DCC: variants seen among roughly 807,000 people sequenced by gnomAD.
DCC encodes netrin receptor DCC.
Under a neutral mutation model 172.5 loss-of-function variants are expected in DCC, and 58 were observed. That is an observed-to-expected ratio of 0.34 (90% CI 0.27 to 0.42). The LOEUF (loss-of-function observed/expected upper bound fraction) is 0.42, where lower values mean the gene tolerates loss of function less well. DCC is among the 10% of genes least tolerant of loss of function. DCC has a pLI of 1.00. For synonymous variants in DCC, 709 were observed against 644.5 expected (o/e 1.10, Z -1.52); for missense variants, 1,740 against 1,791.0 (o/e 0.97, Z 0.51).
At chr18:53,307,947 ATAT>A (rs2057222663) in intron 13 of DCC, among the ~76,000 whole-genome samples, 1 of 108,614 alleles carries the variant, frequency 9.2e-6, no homozygotes, top group Non-Finnish European at 1.8e-5. Context: ...ATATATATAT[ATAT>A]GTATTTTATA....
At chr18:53,275,788 A>T (rs564334720) in intron 12 of DCC, among the ~76,000 whole-genome samples, 1 of 152,132 alleles carries the variant, frequency 6.6e-6, no homozygotes, top group Non-Finnish European at 1.5e-5. Flanking sequence ...GTCATCGCTG[A>T]TAATGTGTAT....
chr18:52,984,039 A>G (rs957125459), intron 5 of DCC, among the ~76,000 whole-genome samples: 1 of 152,150 alleles, frequency 6.6e-6, no homozygotes, highest in Non-Finnish European at 1.5e-5. Flanking sequence ...ACAAATACAC[A>G]AATACTCAAA....
chr18:53,522,582 T>A (rs1481139058), intron 27 of DCC, among the ~76,000 whole-genome samples: 1 of 151,974 alleles, frequency 6.6e-6, no homozygotes, highest in East Asian at 1.9e-4. Flanking sequence ...TATAAACCAA[T>A]GGAACAGAAC....
At chr18:53,387,309 T>G (rs550766701) in intron 16 of DCC, among the ~76,000 whole-genome samples, 191 of 152,358 alleles carry the variant, frequency 1.3e-3, no homozygotes, top group African/African-American at 4.1e-3. Context: ...TAGAAAATAC[T>G]GTCACTATAT....
At chr18:53,314,896 A>T (rs1208145159) in intron 13 of DCC, among the ~76,000 whole-genome samples, 1 of 152,190 alleles carries the variant, frequency 6.6e-6, no homozygotes, top group Non-Finnish European at 1.5e-5. Flanking sequence ...GATAAATAGT[A>T]TAGCCTGGCC....
At chr18:53,018,113 A>G (rs1190505711) in intron 5 of DCC, among the ~76,000 whole-genome samples, 1 of 152,200 alleles carries the variant, frequency 6.6e-6, no homozygotes, top group African/African-American at 2.4e-5. Context: ...GCACGTGTAT[A>G]CCTATGTAAC....
intron 1 of DCC, among the ~76,000 whole-genome samples, chr18:52,743,019 A>T (rs1187925367): frequency 6.6e-6 from 1 of 152,334 alleles, no homozygotes; most frequent in Non-Finnish European, 1.5e-5. Flanking sequence ...TTATTATGAT[A>T]TATGATTTTA....
intron 1 of DCC, among the ~76,000 whole-genome samples, chr18:52,576,088 G>A (rs979125144): frequency 1.3e-5 from 2 of 152,140 alleles, no homozygotes; most frequent in Non-Finnish European, 2.9e-5. Context: ...GATTTTTGCG[G>A]CATGAGGTTT....
At chr18:52,438,793 C>G (rs117702140) in intron 1 of DCC, among the ~76,000 whole-genome samples, 2 of 152,174 alleles carry the variant, frequency 1.3e-5, no homozygotes, top group Admixed American at 1.3e-4. Flanking sequence ...GCACAGCAGA[C>G]AATCTACCAC....
rs781495682 is a variant in DCC at position 52,439,785 on chromosome 18, AAC to A, written c.91+98909_91+98910del. Among the ~76,000 whole-genome samples, 180 of 152,324 alleles carry A rather than the reference AAC, an allele frequency of 1.2e-3. 6 individuals are homozygous for A. The highest frequency in any genetic ancestry group is 9.7e-4 in the East Asian group (5 of 5,180). On this transcript the variant is annotated intron_variant, in intron 1 of 28. Transcript: ENST00000442544. ...TAAATATTTGTTTAGTTAATAAAGA[AAC>A]AGAGAGGATGGATACTCCATTTACC...
At chr18:53,065,006 G>A (rs928175442) in intron 6 of DCC, among the ~76,000 whole-genome samples, 4 of 152,046 alleles carry the variant, frequency 2.6e-5, no homozygotes, top group African/African-American at 9.7e-5. Flanking sequence ...TCTTTTATAG[G>A]TGAAAGAAAA....
At chr18:53,066,936 G>A (rs903347694) in intron 7 of DCC, among the ~76,000 whole-genome samples, 5 of 152,030 alleles carry the variant, frequency 3.3e-5, no homozygotes, top group Admixed American at 6.6e-5. Flanking sequence ...AGGAGAAACA[G>A]AGAAAGAGGG....
chr18:53,122,644 C>G (rs193219268), intron 7 of DCC, among the ~76,000 whole-genome samples: 1 of 152,168 alleles, frequency 6.6e-6, no homozygotes, highest in East Asian at 1.9e-4. Flanking sequence ...TATACCGAAA[C>G]TCTTAGCTGT....
intron 15 of DCC, among the ~76,000 whole-genome samples, chr18:53,364,880 G>A (rs962709756): frequency 5.0e-4 from 76 of 151,984 alleles, no homozygotes; most frequent in African/African-American, 1.5e-3. Flanking sequence ...ACACAGATAC[G>A]TAACATGGAA....
chr18:52,355,388 ATAT>A (rs1984316226), intron 1 of DCC, among the ~76,000 whole-genome samples: 2 of 152,162 alleles, frequency 1.3e-5, no homozygotes, highest in African/African-American at 4.8e-5. Context: ...TCCATGAAAC[ATAT>A]TATGTACACG....
chr18:53,516,837 G>T (rs371599572), intron 27 of DCC, among the ~76,000 whole-genome samples: 5,153 of 133,074 alleles, frequency 0.039, 216 homozygotes, highest in African/African-American at 0.15. Flanking sequence ...GGAACACTTT[G>T]ACACTGTTGG....
chr18:53,490,366 C>G (rs562293091), intron 26 of DCC, among the ~76,000 whole-genome samples: 36 of 152,278 alleles, frequency 2.4e-4, no homozygotes, highest in Non-Finnish European at 2.9e-5. Context: ...ATATTTCTAT[C>G]AATCACATAT....
At position 53,263,872 on chromosome 18, in the gene DCC, C is replaced by T. The variant is rs139791734; in HGVS notation, c.1912-41706C>T. Among the ~76,000 whole-genome samples, 46 of 152,020 alleles carry T rather than the reference C, an allele frequency of 3.0e-4. No homozygotes were observed. In the East Asian group the frequency reaches 8.9e-3, roughly 29 times the overall value. On this transcript the variant is annotated intron_variant, in intron 12 of 28. Transcript: ENST00000442544. ...GACCCTACTGATATTATATCCTTCT[C>T]AATTTGCAGTTGTTTCATCTTGGAA...
chr18:52,384,670 T>A lies in DCC; in HGVS notation c.91+43792T>A, dbSNP rs555677222. On this transcript the variant is annotated intron_variant, in intron 1 of 28. Transcript: ENST00000442544. The stretch of plus-strand genomic sequence containing the variant: ...AGCTCTTGTTTTTAAAGTTACCAAG[T>A]CGTCTTTTTTATGCCCGCATTTGTA... 5.3e-5 allele frequency among the ~76,000 whole-genome samples: 8 copies of A among 152,270 alleles called. No individual in the cohort carries two copies. The South Asian group carries it at 1.7e-3, about 32-fold the overall frequency.
Sources: allele counts gnomAD v4.1 joint callset (sites outside exome capture counted in the v4.1 genomes callset), GRCh38; gene constraint gnomAD v4.1.1; transcripts MANE v1.5; gene names NCBI Gene and HGNC (gene_info 2026-07-23, HGNC 2026-07-21).